RIN1: variants seen among roughly 807,000 people sequenced by gnomAD.
RIN1 encodes the protein Ras and Rab interactor 1, also known as ras inhibitor 1.
Under a neutral mutation model 64.9 loss-of-function variants are expected in RIN1, and 52 were observed. The ratio of observed to expected loss-of-function variants is 0.80; its 90% CI spans 0.64 to 1.01. The LOEUF (loss-of-function observed/expected upper bound fraction) is 1.01, where lower values mean the gene tolerates loss of function less well. Among genes scored for constraint, RIN1 ranks in the 50% least tolerant of loss-of-function variants. The pLI is 0.00. For synonymous variants in RIN1, 486 were observed against 483.6 expected (o/e 1.00, Z -0.06); for missense variants, 1,040 against 1,064.5 (o/e 0.98, Z 0.32).
In RIN1 at chr11:66,336,098, C is replaced by T. The variant is rs1004165231; in HGVS notation, c.147G>A (p.Pro49=). ...GGCTCACAACGCGCCCCGGCCGCTG[C>T]GGCCCGCCTGCCTGCCCGCCGCTGG... ...PNASGGQAGG[P]QRPGRVVSLR... Residue 49 remains proline (P), a synonymous_variant, in exon 2 of 10, where the codon CCG becomes CCA. Transcript: ENST00000311320. The T allele has an allele frequency of 1.5e-5, 22 of 1,445,616 alleles. No individual in the cohort carries two copies. Among genetic ancestry groups the T allele is most frequent in the East Asian group, 1.3e-4 (5 of 39,504 alleles). The allele number at this position is 1,445,616 out of a possible 1,614,324, so 89.5% of individuals were successfully genotyped here. A position where few individuals can be genotyped will look rare whatever the true frequency, so the allele number is the denominator to read the frequency against.
chr11:66,332,115 C>T lies in RIN1; in HGVS notation c.*161G>A, dbSNP rs1456820295. ...AAGCCCCCTCATCTTTATTCCAGTT[C>T]CTCAGATGTGGCAGTTCCCCCAGCT... On this transcript the variant is annotated 3_prime_UTR_variant, in exon 10 of 10. Coordinates refer to ENST00000311320, the MANE Select transcript of RIN1 (RefSeq NM_004292.3). 1.4e-6 allele frequency: 1 copy of T among 738,032 alleles called. No homozygotes were observed. The highest frequency in any genetic ancestry group is 1.7e-5 in the South Asian group (1 of 59,044). 45.7% of individuals were successfully genotyped at this position (738,032 alleles called of 1,614,324 possible).
At chr11:66,333,154 A>G (rs1029921382) in intron 9 of RIN1, 104 bp downstream of exon 9, 4 of 1,396,492 alleles carry the variant, frequency 2.9e-6, no homozygotes, top group African/African-American at 2.8e-5. Context: ...AGCCAGGATT[A>G]GAACCCAGGA....
At chr11:66,334,367 G>T in intron 6 of RIN1, 143 bp from the exon 7 acceptor site, 1 of 1,243,160 alleles carries the variant, frequency 8.0e-7, no homozygotes, top group African/African-American at 1.5e-5. Flanking sequence ...AAGAGTTGGG[G>T]GAGAGAGGGG....
Position 66,335,624 on chromosome 11 carries a change from G to C in RIN1, c.441C>G (p.Ala147=). 6.2e-7 allele frequency: 1 copy of C among 1,613,740 alleles called. No homozygotes were observed. The highest frequency in any genetic ancestry group is 1.1e-5 in the South Asian group (1 of 90,968). The stretch of plus-strand genomic sequence containing the variant: ...GGCAGACTCACCGGGTGTGGCAGTA[G>C]GCACAGATGAGCTGGACTAGGTCTG... ...MFPDLVQLIC[A]YCHTRDILLL... is the part of the protein sequence containing the mutation. The change falls in exon 4 of 10, where the codon GCC becomes GCG. Residue 147 remains alanine, a synonymous_variant. Transcript: ENST00000311320.
chr11:66,332,161 A>C lies in RIN1; in HGVS notation c.*115T>G. The C allele has an allele frequency of 1.1e-6, 1 of 935,830 alleles. No individual in the cohort carries two copies. The highest frequency in any genetic ancestry group is 1.7e-6 in the Non-Finnish European group (1 of 595,682). The allele number at this position is 935,830 out of a possible 1,614,324, so 58.0% of individuals were successfully genotyped here. On this transcript the variant is annotated 3_prime_UTR_variant, in exon 10 of 10. Coordinates refer to ENST00000311320, the MANE Select transcript of RIN1 (RefSeq NM_004292.3). ...CAGCTTCCCTGGAAACAAGTATCAG[A>C]CAAAGGTGGTGGCAGACACAGGACA...
At chr11:66,332,839 G>A in intron 9 of RIN1, 87 bp from the exon 10 acceptor site, 1 of 1,036,664 alleles carries the variant, frequency 9.6e-7, no homozygotes, top group Non-Finnish European at 1.4e-6. Context: ...TTTCTGGGCT[G>A]TGCAGGGACA....
In RIN1 at chr11:66,332,351, G is replaced by GC. The variant is rs771997842; in HGVS notation, c.2276dup (p.Gln760ProfsTer27). The GC allele has an allele frequency of 1.2e-6, 2 of 1,613,994 alleles. No homozygotes were observed. Among genetic ancestry groups the GC allele is most frequent in the South Asian group, 1.1e-5 (1 of 91,090 alleles). ...CAGGGCCTTCCTGGGCTTGACCCTG[G>GC]CCCCCTTCAGCAGTTGTCTCAGACT... On this transcript the variant is annotated frameshift_variant, in exon 10 of 10. Transcript: ENST00000311320. LOFTEE classifies it high-confidence loss of function.
In RIN1 at chr11:66,334,880, G is replaced by T; in HGVS notation, c.919C>A (p.Pro307Thr). 6.4e-7 allele frequency: 1 copy of T among 1,570,010 alleles called. No individual in the cohort carries two copies. The change falls in exon 6 of 10, where the codon CCT becomes ACT. Residue 307 changes from proline to threonine, a missense_variant. Pro to Thr is a conservative substitution (Grantham distance 38, BLOSUM62 -1). Coordinates refer to ENST00000311320, the MANE Select transcript of RIN1 (RefSeq NM_004292.3). The part of the protein sequence containing the change: ...VPAGSGPSLP[P>T]MPSLQEVDCG... Reference sequence around the variant, plus strand: ...TCCACCTCTTGGAGGGAGGGCATAGGCGGAAGGCTAGGGCCACTGCCTGCT... The same window carrying T: ...TCCACCTCTTGGAGGGAGGGCATAGTCGGAAGGCTAGGGCCACTGCCTGCT...
Position 66,335,495 on chromosome 11 carries a change from G to A in RIN1, c.459C>T (p.Asp153=). 1.9e-6 allele frequency: 3 copies of A among 1,613,738 alleles called. No individual in the cohort carries two copies. The highest frequency in any genetic ancestry group is 1.1e-5 in the South Asian group (1 of 91,076). ...QLICAYCHTR[D]ILLLPLQLPR... is the part of the protein sequence containing the mutation. ...GGAGCTGCAGCGGGAGGAGAAGGATGTCCCTGAGGCCAGAGAGGGGAGCAG... is the reference window on the plus strand; with the variant it reads ...GGAGCTGCAGCGGGAGGAGAAGGATATCCCTGAGGCCAGAGAGGGGAGCAG... Residue 153 remains aspartate (D), a synonymous_variant, in exon 5 of 10, where the codon GAC becomes GAT. Transcript: ENST00000311320.
rs146186728 is a variant in RIN1 at position 66,333,311 on chromosome 11, G to A, written c.1822C>T (p.Arg608Cys). ...CGCTGCTCCCAGAGGCTGAGGGAGCGCCGTAGCTCCTGCACGGGGCTCAGT... is the reference window on the plus strand; with the variant it reads ...CGCTGCTCCCAGAGGCTGAGGGAGCACCGTAGCTCCTGCACGGGGCTCAGT... ...LPLSPVQELRRSLSLWEQRRL... is the reference protein window; with the variant it reads ...LPLSPVQELRCSLSLWEQRRL... Residue 608 changes from arginine to cysteine, a missense_variant, in exon 9 of 10, where the codon CGC (arginine) becomes TGC (cysteine). Arg to Cys is a radical substitution (Grantham distance 180). Coordinates refer to ENST00000311320, the MANE Select transcript of RIN1 (RefSeq NM_004292.3). 25 of 1,612,576 alleles carry A rather than the reference G, an allele frequency of 1.6e-5. No homozygotes were observed. Among genetic ancestry groups the A allele is most frequent in the African/African-American group, 6.7e-5 (5 of 74,914 alleles).
At chr11:66,334,303 A>G in intron 6 of RIN1, 79 bp from the exon 7 acceptor site, 1 of 1,289,658 alleles carries the variant, frequency 7.8e-7, no homozygotes, top group Non-Finnish European at 1.0e-6. Context: ...GAGCAGGGGT[A>G]GAATCGGGGA....
intron 1 of RIN1, 50 bp downstream of exon 1, chr11:66,336,267 T>C (rs1230753462): frequency 1.9e-6 from 3 of 1,546,338 alleles, no homozygotes. Context: ...TAGGCCCTCC[T>C]CTCGCAGCCC....
intron 6 of RIN1, 29 bp from the exon 7 acceptor site, chr11:66,334,253 G>A (rs1854816802): frequency 1.6e-6 from 1 of 635,224 alleles, no homozygotes; most frequent in South Asian, 2.0e-5. Context: ...GGGGTCAGGG[G>A]AAGACTGGGG....
rs1052899657 is a variant in RIN1, at chr11:66,331,810, T to G, written c.*466A>C. ...GCCCCAAGCCTTTGCTGCTGTTCTG[T>G]GGCCTCTCTAAATCCTCCTGACACC... On this transcript the variant is annotated 3_prime_UTR_variant, in exon 10 of 10. Coordinates refer to ENST00000311320, the MANE Select transcript of RIN1 (RefSeq NM_004292.3). 5.5e-6 allele frequency: 1 copy of G among 181,858 alleles called. No individual in the cohort carries two copies. The highest frequency in any genetic ancestry group is 1.3e-4 in the South Asian group (1 of 7,842). The allele number at this position is 181,858 out of a possible 1,614,324, so 11.3% of individuals were successfully genotyped here.
chr11:66,334,619 G>A lies in RIN1; in HGVS notation c.1180C>T (p.Pro394Ser), dbSNP rs775005830. The A allele has an allele frequency of 6.3e-7, 1 of 1,577,362 alleles. No individual in the cohort carries two copies. The highest frequency in any genetic ancestry group is 8.6e-7 in the Non-Finnish European group (1 of 1,164,312). ...ATGCCCTGCAGCTCCTGGGGCTCGG[G>A]CCCAGCCCGCACCTGGGTCAGTAGG... Reference protein sequence around the residue: ...QDLLTQVRAGPEPQELQGIRQ... With the variant: ...QDLLTQVRAGSEPQELQGIRQ... Residue 394 changes from proline (P) to serine (S), a missense_variant, in exon 6 of 10, where the codon CCC (proline) becomes TCC (serine). By Grantham distance (74) the Pro-to-Ser change is moderately conservative. Coordinates refer to ENST00000311320, the MANE Select transcript of RIN1 (RefSeq NM_004292.3).
rs367618267 is a variant in RIN1 at position 66,334,616 on chromosome 11, C to G, written c.1183G>C (p.Glu395Gln). The change falls in exon 6 of 10, where the codon GAG becomes CAG. Residue 395 changes from glutamate (E) to glutamine (Q), a missense_variant. By Grantham distance (29) the Glu-to-Gln change is conservative. Transcript: ENST00000311320. ...CGGATGCCCTGCAGCTCCTGGGGCT[C>G]GGGCCCAGCCCGCACCTGGGTCAGT... is the stretch of plus-strand genomic sequence containing the variant. ...DLLTQVRAGP[E>Q]PQELQGIRQA... is the part of the protein sequence containing the mutation. The G allele has an allele frequency of 1.3e-6, 2 of 1,578,922 alleles. No individual in the cohort carries two copies. Among genetic ancestry groups the G allele is most frequent in the Non-Finnish European group, 8.6e-7 (1 of 1,165,018 alleles).
intron 2 of RIN1, 45 bp downstream of exon 2, chr11:66,335,933 C>T (rs1264912961): frequency 1.3e-6 from 2 of 1,494,712 alleles, no homozygotes; most frequent in Admixed American, 2.4e-5. Context: ...CCCTCTCCCT[C>T]CCACCCCTGG....
At position 66,333,918 on chromosome 11, in the gene RIN1, C is replaced by T; in HGVS notation, c.1591+1G>A. The T allele has an allele frequency of 2.0e-6, 3 of 1,519,508 alleles. No individual in the cohort carries two copies. Among genetic ancestry groups the T allele is most frequent in the Non-Finnish European group, 2.6e-6 (3 of 1,133,100 alleles). 94.1% of individuals were successfully genotyped at this position (1,519,508 alleles called of 1,614,324 possible). On this transcript the variant is annotated splice_donor_variant, in intron 7 of 9. Transcript: ENST00000311320. LOFTEE classifies it high-confidence loss of function. ...AGGGTGAGGTGGTGGCAGGGACATA[C>T]CTTCCTGGGTCCTCAGGGCCATGTA...
rs192954875 is a variant in RIN1, at chr11:66,336,094, G to A, written c.151C>T (p.Arg51Trp). The part of the protein sequence containing the change: ...ASGGQAGGPQ[R>W]PGRVVSLRER... ...CGCAGGCTCACAACGCGCCCCGGCC[G>A]CTGCGGCCCGCCTGCCTGCCCGCCG... Residue 51 changes from arginine (R) to tryptophan (W), a missense_variant, in exon 2 of 10, where the codon CGG becomes TGG. Physicochemically the swap from Arg to Trp is moderately radical, Grantham distance 101. Transcript: ENST00000311320. 5,200 of 1,448,086 alleles carry A rather than the reference G, an allele frequency of 3.6e-3. 16 individuals carry two copies. Among genetic ancestry groups the A allele is most frequent in the Admixed American group, 7.9e-3 (297 of 37,594 alleles). The allele number at this position is 1,448,086 out of a possible 1,614,324, so 89.7% of individuals were successfully genotyped here. A position where few individuals can be genotyped will look rare whatever the true frequency, so the allele number is the denominator to read the frequency against.
Sources: allele counts gnomAD v4.1 joint callset, GRCh38; gene constraint gnomAD v4.1.1; transcripts MANE v1.5; gene names NCBI Gene and HGNC (gene_info 2026-07-23, HGNC 2026-07-21).